GALNT13: variants seen among roughly 807,000 people sequenced by gnomAD.
The protein encoded by GALNT13 is UDP-GalNAc:polypeptide N-acetylgalactosaminyltransferase 13.
In GALNT13, 28 loss-of-function variants were observed where a neutral mutation model predicts 64.2. That is an observed-to-expected ratio of 0.44 (90% CI 0.32 to 0.60). GALNT13 has a LOEUF of 0.60. Ranked by LOEUF, GALNT13 falls within the 20% of genes least tolerant of loss-of-function variation. The pLI is 0.05. For synonymous variants in GALNT13, 214 were observed against 224.6 expected, an observed-to-expected ratio of 0.95 and a Z score of 0.42; for missense variants, 577 against 669.8, an observed-to-expected ratio of 0.86 and a Z score of 1.53.
the GALNT13 span, among the ~76,000 whole-genome samples, chr2:153,814,583 C>G: frequency 2.6e-5 from 4 of 152,310 alleles, no homozygotes; most frequent in Admixed American, 2.6e-4. Flanking sequence ...ACAGCAGCCA[C>G]AAAGCCTCAT....
At chr2:153,831,690 G>A in the GALNT13 span, among the ~76,000 whole-genome samples, 1 of 152,066 alleles carries the variant, frequency 6.6e-6, no homozygotes, top group South Asian at 2.1e-4. Flanking sequence ...TGTTAACTGC[G>A]TCCGTTGGTG....
chr2:153,795,764 T>C, the GALNT13 span, among the ~76,000 whole-genome samples: 12,866 of 152,184 alleles, frequency 0.085, 1,168 homozygotes, highest in African/African-American at 0.23. Context: ...TTGTTTGTGT[T>C]TTCAATGGCA....
At chr2:153,874,088 C>G (rs564643212) in intron 1 of GALNT13, among the ~76,000 whole-genome samples, 1 of 146,748 alleles carries the variant, frequency 6.8e-6, no homozygotes, top group South Asian at 2.2e-4. Context: ...CCCGCACCCC[C>G]CTCCCGCAAT....
intron 2 of GALNT13, among the ~76,000 whole-genome samples, chr2:153,929,873 A>G (rs1045199641): frequency 1.3e-5 from 2 of 152,162 alleles, no homozygotes; most frequent in South Asian, 2.1e-4. Context: ...TACTGATGAA[A>G]TGGCTATGTC....
chr2:153,643,295 A>G, the GALNT13 span, among the ~76,000 whole-genome samples: 15 of 151,678 alleles, frequency 9.9e-5, no homozygotes, highest in Middle Eastern at 4.7e-3. Flanking sequence ...AAAATAAGCA[A>G]TACTTTAGGG....
At chr2:153,355,858 G>A in the GALNT13 span, among the ~76,000 whole-genome samples, 3 of 152,100 alleles carry the variant, frequency 2.0e-5, no homozygotes, top group East Asian at 1.9e-4. Context: ...GTTATAAAAC[G>A]CATATTTTTT....
intron 10 of GALNT13, among the ~76,000 whole-genome samples, chr2:154,397,013 G>A (rs1335919073): frequency 6.7e-6 from 1 of 150,358 alleles, no homozygotes; most frequent in Non-Finnish European, 1.5e-5. Context: ...TTCCTATATA[G>A]CATATATATC....
intron 3 of GALNT13, among the ~76,000 whole-genome samples, chr2:154,020,611 G>A (rs1056211975): frequency 2.8e-4 from 42 of 152,110 alleles, no homozygotes; most frequent in South Asian, 1.0e-3. Context: ...CCCTTTGTCA[G>A]ATGAGTAGGT....
chr2:153,428,434 G>C, the GALNT13 span, among the ~76,000 whole-genome samples: 1 of 152,108 alleles, frequency 6.6e-6, no homozygotes, highest in Non-Finnish European at 1.5e-5. Context: ...TGCAGGGATG[G>C]CACCAAGCCA....
At chr2:154,379,648 TA>T (rs1023325672) in intron 9 of GALNT13, among the ~76,000 whole-genome samples, 1 of 152,060 alleles carries the variant, frequency 6.6e-6, no homozygotes, top group African/African-American at 2.4e-5. Context: ...TCTGTGTTCT[TA>T]AATATTGAAA....
chr2:153,329,419 C>T, the GALNT13 span, among the ~76,000 whole-genome samples: 1 of 152,270 alleles, frequency 6.6e-6, no homozygotes, highest in African/African-American at 2.4e-5. Context: ...CCCTTTTCTC[C>T]ACAGCTTTGC....
chr2:153,988,071 T>TAC (rs764266085), intron 3 of GALNT13, among the ~76,000 whole-genome samples: 2,580 of 143,680 alleles, frequency 0.018, 36 homozygotes, highest in African/African-American at 0.035. Context: ...TATATATATA[T>TAC]ATACACACAC....
the GALNT13 span, among the ~76,000 whole-genome samples, chr2:153,123,144 A>G: frequency 1.5e-4 from 23 of 152,302 alleles, no homozygotes; most frequent in South Asian, 1.2e-3. Context: ...GATGAATGCC[A>G]TACAAAGACA....
intron 11 of GALNT13, among the ~76,000 whole-genome samples, chr2:154,424,711 A>G (rs1030031422): frequency 6.6e-6 from 1 of 152,224 alleles, no homozygotes; most frequent in African/African-American, 2.4e-5. Context: ...CCCCAACAGA[A>G]TTAAGCTCTA....
the GALNT13 span, among the ~76,000 whole-genome samples, chr2:153,818,405 C>T: frequency 6.6e-6 from 1 of 152,156 alleles, no homozygotes; most frequent in Admixed American, 6.5e-5. Context: ...TGTTTCTCAC[C>T]AGGCAAGGCT....
At chr2:153,486,291 G>A in the GALNT13 span, among the ~76,000 whole-genome samples, 9 of 151,970 alleles carry the variant, frequency 5.9e-5, no homozygotes, top group Admixed American at 4.6e-4. Flanking sequence ...TAGAGACTGT[G>A]TCTGTCTATT....
the GALNT13 span, among the ~76,000 whole-genome samples, chr2:153,820,758 A>G: frequency 6.6e-6 from 1 of 152,150 alleles, no homozygotes; most frequent in Non-Finnish European, 1.5e-5. Context: ...CTGCCACAAA[A>G]CACACTTAAG....
At chr2:153,712,677 T>C in the GALNT13 span, among the ~76,000 whole-genome samples, 1 of 152,176 alleles carries the variant, frequency 6.6e-6, no homozygotes, top group African/African-American at 2.4e-5. Context: ...TGATTATTTT[T>C]CAAATTCACA....
chr2:153,152,146 A>G, the GALNT13 span, among the ~76,000 whole-genome samples: 446 of 152,074 alleles, frequency 2.9e-3, 7 homozygotes, highest in African/African-American at 0.01. Flanking sequence ...GAAGTCTGTA[A>G]CATGGAGCTC....
Sources: gnomAD v4.1 joint callset for allele counts (sites outside exome capture counted in the v4.1 genomes callset) on GRCh38, gnomAD v4.1.1 for gene constraint, MANE v1.5 for transcripts, NCBI Gene and HGNC (gene_info 2026-07-23, HGNC 2026-07-21) for gene names.